The following ETFA variants were observed in gnomAD, a reference collection of about 807,000 sequenced individuals.
ETFA encodes electron transfer flavoprotein subunit alpha, mitochondrial.
Under a neutral mutation model 46.2 loss-of-function variants are expected in ETFA, and 22 were observed. That is an observed-to-expected ratio of 0.48 (90% CI 0.34 to 0.68). ETFA has a LOEUF of 0.68. ETFA is among the 30% of genes least tolerant of loss of function. ETFA has a pLI of 0.01. For synonymous variants in ETFA, 131 were observed against 139.9 expected (o/e 0.94, Z 0.45); for missense variants, 345 against 401.1 (o/e 0.86, Z 1.19).
At chr15:76,291,510 G>A (rs542639085) in intron 4 of ETFA, among the ~76,000 whole-genome samples, 2 of 150,468 alleles carry the variant, frequency 1.3e-5, no homozygotes, top group African/African-American at 2.5e-5. Flanking sequence ...CAGTACTTTG[G>A]GGGGCCGAGG....
rs528648790 is a variant in ETFA at position 76,297,181 on chromosome 15, A to G, written c.40-1444T>C. ...GGGTATGAATTGAAGGGAAGTCAGG[A>G]CAGTTCCTGGAATGAAATGAAAGTT... On this transcript the variant is annotated intron_variant, in intron 1 of 11. Coordinates refer to ENST00000557943, the MANE Select transcript of ETFA (RefSeq NM_000126.4). Among the ~76,000 whole-genome samples the G allele has an allele frequency of 5.9e-5, 9 of 152,306 alleles. No homozygotes were observed. The South Asian group carries it at 1.9e-3, about 32-fold the overall frequency.
chr15:76,310,316 C>T (rs1172002103), intron 1 of ETFA, among the ~76,000 whole-genome samples: 2 of 134,814 alleles, frequency 1.5e-5, no homozygotes, highest in Non-Finnish European at 1.5e-5. Context: ...AGAGCTCCAG[C>T]TATGCCTCAG....
intron 11 of ETFA, among the ~76,000 whole-genome samples, 156 bp downstream of exon 11, chr15:76,225,689 TTAAG>T (rs771462782): frequency 6.6e-6 from 1 of 152,188 alleles, no homozygotes; most frequent in Admixed American, 6.5e-5. Flanking sequence ...CAACTTAACT[TTAAG>T]TAGGTCAAAA....
intron 10 of ETFA, among the ~76,000 whole-genome samples, chr15:76,226,519 G>C (rs774006179): frequency 1.8e-4 from 28 of 152,142 alleles, no homozygotes; most frequent in Admixed American, 3.3e-4. Flanking sequence ...GGGAGGCAGA[G>C]GTTGCAGTGA....
At chr15:76,290,567 G>A (rs1013519596) in intron 4 of ETFA, among the ~76,000 whole-genome samples, 1 of 151,630 alleles carries the variant, frequency 6.6e-6, no homozygotes, top group Non-Finnish European at 1.5e-5. Flanking sequence ...CCCAGGCTGG[G>A]CTACAACTCC....
intron 11 of ETFA, among the ~76,000 whole-genome samples, chr15:76,224,800 C>T (rs1237291445): frequency 1.3e-5 from 2 of 152,154 alleles, no homozygotes; most frequent in African/African-American, 2.4e-5. Context: ...CATAAGATAA[C>T]CTAGAAACGT....
intron 1 of ETFA, among the ~76,000 whole-genome samples, chr15:76,306,528 T>G (rs1395602982): frequency 6.6e-6 from 1 of 152,064 alleles, no homozygotes; most frequent in African/African-American, 2.4e-5. Context: ...CCTCCCAAAG[T>G]GCTGGGATTA....
intron 1 of ETFA, among the ~76,000 whole-genome samples, chr15:76,297,674 A>C (rs1356870470): frequency 1.3e-5 from 2 of 152,218 alleles, no homozygotes; most frequent in Non-Finnish European, 2.9e-5. Flanking sequence ...GAGATTATAT[A>C]TACTTTTTAA....
chr15:76,241,010 T>C (rs2039180217), intron 9 of ETFA, among the ~76,000 whole-genome samples: 1 of 151,996 alleles, frequency 6.6e-6, no homozygotes, highest in East Asian at 1.9e-4. Context: ...CTATACCAGT[T>C]CAGAGATTTT....
Position 76,259,614 on chromosome 15 carries a change from A to G in ETFA, c.816+14798T>C. The G allele has an allele frequency of 3.4e-6, 3 of 892,788 alleles. No individual in the cohort carries two copies. In the South Asian group the frequency reaches 4.0e-5, roughly 12 times the overall value. The allele number at this position is 892,788 out of a possible 1,614,324, so 55.3% of individuals were successfully genotyped here. Reference sequence around the variant, plus strand: ...ATACAGGTTGTCAGCCAGGCTCTCCAGGGCCAGCCACTTGACGGGCAATTT... The same window carrying G: ...ATACAGGTTGTCAGCCAGGCTCTCCGGGGCCAGCCACTTGACGGGCAATTT... On this transcript the variant is annotated intron_variant, in intron 9 of 11. Transcript: ENST00000557943.
At chr15:76,310,095 A>AAAAAAAAAAAAAAT (rs2039979201) in intron 1 of ETFA, 1 of 146,416 alleles carries the variant, frequency 6.8e-6, no homozygotes, top group African/African-American at 2.8e-5. Flanking sequence ...AAAAAAAAAA[A>AAAAAAAAAAAAAAT]ATTAGCCAGG....
intron 9 of ETFA, among the ~76,000 whole-genome samples, chr15:76,241,616 C>G (rs1027309563): frequency 6.6e-6 from 1 of 150,692 alleles, no homozygotes; most frequent in Non-Finnish European, 1.5e-5. Context: ...CTGGCCAACA[C>G]GGTGAAACTC....
chr15:76,226,006 C>CCTTAA (rs34607978), intron 10 of ETFA, 77 bp from the exon 11 acceptor site: 1 of 702,206 alleles, frequency 1.4e-6, no homozygotes. Flanking sequence ...TTTTAACTTC[C>CCTTAA]AATATATTAA....
At chr15:76,220,003 C>G (rs2038941994) in intron 11 of ETFA, among the ~76,000 whole-genome samples, 1 of 152,188 alleles carries the variant, frequency 6.6e-6, no homozygotes, top group South Asian at 2.1e-4. Context: ...GAACTGAAAG[C>G]AGGGGCTTGA....
intron 9 of ETFA, among the ~76,000 whole-genome samples, chr15:76,253,547 G>A (rs1276385425): frequency 2.6e-5 from 4 of 152,058 alleles, no homozygotes; most frequent in East Asian, 3.9e-4. Flanking sequence ...AGTAGAAAAC[G>A]AAATCAAGCT....
At chr15:76,256,471 T>G (rs1344740593) in intron 9 of ETFA, among the ~76,000 whole-genome samples, 1 of 152,178 alleles carries the variant, frequency 6.6e-6, no homozygotes, top group Admixed American at 6.5e-5. Flanking sequence ...AACACAATTT[T>G]TACTTCAAAG....
At chr15:76,289,375 C>G (rs112938396) in intron 4 of ETFA, among the ~76,000 whole-genome samples, 2 of 152,194 alleles carry the variant, frequency 1.3e-5, no homozygotes, top group African/African-American at 4.8e-5. Context: ...AACAGATTAT[C>G]TTACAAATTT....
At chr15:76,241,980 G>A (rs944559460) in intron 9 of ETFA, among the ~76,000 whole-genome samples, 1 of 151,632 alleles carries the variant, frequency 6.6e-6, no homozygotes, top group Non-Finnish European at 1.5e-5. Context: ...GGGACTACAG[G>A]TGTGCGCCAC....
At chr15:76,225,044 G>C (rs1272393044) in intron 11 of ETFA, among the ~76,000 whole-genome samples, 1 of 152,088 alleles carries the variant, frequency 6.6e-6, no homozygotes, top group Non-Finnish European at 1.5e-5. Flanking sequence ...GTCAGCTAAG[G>C]AAGGCCATTA....
Sources: gnomAD v4.1 joint callset for allele counts (sites outside exome capture counted in the v4.1 genomes callset) on GRCh38, gnomAD v4.1.1 for gene constraint, MANE v1.5 for transcripts, NCBI Gene and HGNC (gene_info 2026-07-23, HGNC 2026-07-21) for gene names.